The following CSMD1 variants were observed in gnomAD, a reference collection of about 807,000 sequenced individuals.
CSMD1 encodes CUB and Sushi multiple domains 1, also known as CUB and sushi domain-containing protein 1.
A neutral mutation model predicts 417.5 loss-of-function variants in CSMD1; 213 were observed. The observed-to-expected ratio is 0.51, with a 90% CI of 0.46 to 0.57. The LOEUF (loss-of-function observed/expected upper bound fraction) is 0.57. CSMD1 is among the 20% of genes least tolerant of loss of function. The pLI is 0.00. For missense variants in CSMD1, 6,923 were observed against 4,529.7 expected (o/e 1.53, Z -15.17); for synonymous variants, 2,862 against 1,736.8 (o/e 1.65, Z -16.11).
At position 3,781,672 on chromosome 8, in the gene CSMD1, G is replaced by A. The variant is rs112000078; in HGVS notation, c.819-27630C>T. On this transcript the variant is annotated intron_variant, in intron 5 of 69. Transcript: ENST00000635120. ...TGTGATGTGAATGGCAGGTGCCTAG[G>A]TTTCCATCCTGGACTCCAGCCTACG... Among the ~76,000 whole-genome samples, 457 of 152,290 alleles carry A rather than the reference G, an allele frequency of 3.0e-3. 8 individuals carry two copies. Among genetic ancestry groups the A allele is most frequent in the African/African-American group, 0.011 (439 of 41,556 alleles).
chr8:4,056,797 G>A (rs1247553211), intron 3 of CSMD1, among the ~76,000 whole-genome samples: 2 of 150,810 alleles, frequency 1.3e-5, no homozygotes, highest in African/African-American at 2.4e-5. Context: ...TTCGTTTTTT[G>A]TCCTTGTGAT....
At chr8:3,341,193 G>T (rs1465323599) in intron 23 of CSMD1, among the ~76,000 whole-genome samples, 1 of 152,086 alleles carries the variant, frequency 6.6e-6, no homozygotes, top group African/African-American at 2.4e-5. Context: ...TTCTGGGTGA[G>T]GGAGGGTGGA....
chr8:4,915,519 G>A (rs1563754652), intron 1 of CSMD1, among the ~76,000 whole-genome samples: 1 of 152,236 alleles, frequency 6.6e-6, no homozygotes, highest in Admixed American at 6.5e-5. Context: ...ACAAAAAGCA[G>A]GCCTGGCAGG....
At chr8:3,986,708 T>C (rs1454440863) in intron 5 of CSMD1, among the ~76,000 whole-genome samples, 1 of 152,130 alleles carries the variant, frequency 6.6e-6, no homozygotes, top group African/African-American at 2.4e-5. Context: ...CCATGGAAAA[T>C]TTATCATGTT....
At chr8:4,239,949 A>G (rs933494997) in intron 3 of CSMD1, among the ~76,000 whole-genome samples, 6 of 152,194 alleles carry the variant, frequency 3.9e-5, no homozygotes, top group Non-Finnish European at 7.3e-5. Flanking sequence ...AAAATAATGC[A>G]CTTTTAAATC....
At chr8:4,436,235 A>C (rs1798142696) in intron 2 of CSMD1, among the ~76,000 whole-genome samples, 1 of 152,206 alleles carries the variant, frequency 6.6e-6, no homozygotes, top group Non-Finnish European at 1.5e-5. Context: ...TTGTAGGACA[A>C]AATTAGTTCA....
At position 3,430,439 on chromosome 8, in the gene CSMD1, A is replaced by C. The variant is rs776000467; in HGVS notation, c.1562-20834T>G. ...GCTGAACAAATTGTCTGACATATGT[A>C]GTAGGTATTTAATTAATGTTTATCA... On this transcript the variant is annotated intron_variant, in intron 12 of 69. Transcript: ENST00000635120. Among the ~76,000 whole-genome samples the C allele has an allele frequency of 5.3e-5, 8 of 152,266 alleles. No homozygotes were observed. The South Asian group carries it at 1.5e-3, about 28-fold the overall frequency.
At chr8:3,077,180 G>A (rs1019225336) in intron 49 of CSMD1, among the ~76,000 whole-genome samples, 2 of 152,174 alleles carry the variant, frequency 1.3e-5, no homozygotes, top group Non-Finnish European at 2.9e-5. Flanking sequence ...CTGGGAGTCA[G>A]GAATGCATTT....
intron 7 of CSMD1, among the ~76,000 whole-genome samples, chr8:3,630,729 CT>C (rs398095561): frequency 0.039 from 3,360 of 85,158 alleles, 127 homozygotes; most frequent in African/African-American, 0.14. Context: ...ATGGAGTTGC[CT>C]CTCTGAAGCC....
chr8:3,865,352 G>C lies in CSMD1; in HGVS notation c.819-111310C>G, dbSNP rs59447500. Among the ~76,000 whole-genome samples, 133 of 152,262 alleles carry C rather than the reference G, an allele frequency of 8.7e-4. 1 individual carries two copies. Among genetic ancestry groups the C allele is most frequent in the African/African-American group, 3.0e-3 (124 of 41,554 alleles). ...TGTAAACTCTGAAATGCTCTTGCTG[G>C]TATGAAACTGGGTTTGCAACTGAAC... is the stretch of plus-strand genomic sequence containing the variant. On this transcript the variant is annotated intron_variant, in intron 5 of 69. Coordinates refer to ENST00000635120, the MANE Select transcript of CSMD1 (RefSeq NM_033225.6).
intron 26 of CSMD1, among the ~76,000 whole-genome samples, chr8:3,269,248 T>G (rs1801660346): frequency 1.3e-5 from 2 of 152,214 alleles, no homozygotes; most frequent in Admixed American, 1.3e-4. Flanking sequence ...TCTATGATCC[T>G]AAGTGGTCAA....
At chr8:3,978,588 T>C (rs1813619723) in intron 5 of CSMD1, among the ~76,000 whole-genome samples, 1 of 152,078 alleles carries the variant, frequency 6.6e-6, no homozygotes, top group South Asian at 2.1e-4. Flanking sequence ...ATGAATAGAT[T>C]GAGGCATGTT....
At chr8:4,371,354 G>C (rs1013147052) in intron 3 of CSMD1, among the ~76,000 whole-genome samples, 1 of 152,008 alleles carries the variant, frequency 6.6e-6, no homozygotes, top group East Asian at 1.9e-4. Flanking sequence ...TAAATGCAGG[G>C]TTTTGAGAGA....
At chr8:4,193,227 C>G (rs1397917433) in intron 3 of CSMD1, among the ~76,000 whole-genome samples, 5 of 151,246 alleles carry the variant, frequency 3.3e-5, no homozygotes, top group Admixed American at 3.3e-4. Context: ...GTAGCTGCCA[C>G]AAACGTAAAA....
chr8:4,953,947 C>A (rs77698197), intron 1 of CSMD1, among the ~76,000 whole-genome samples: 2 of 151,982 alleles, frequency 1.3e-5, no homozygotes, highest in African/African-American at 4.8e-5. Context: ...CCTGGTGCAC[C>A]TAATGCACAG....
chr8:4,594,195 C>CT (rs771415822), intron 2 of CSMD1, among the ~76,000 whole-genome samples: 11,686 of 92,186 alleles, frequency 0.13, 2,019 homozygotes, highest in African/African-American at 0.37. Flanking sequence ...CTAAAGTGAT[C>CT]TTTTTTTTTT....
intron 1 of CSMD1, among the ~76,000 whole-genome samples, chr8:4,910,397 T>A (rs1421577829): frequency 4.6e-5 from 7 of 152,202 alleles, no homozygotes; most frequent in African/African-American, 1.7e-4. Context: ...TTATAAACAA[T>A]AGAAATTTAT....
chr8:3,432,707 G>A lies in CSMD1; in HGVS notation c.1562-23102C>T, dbSNP rs180841634. On this transcript the variant is annotated intron_variant, in intron 12 of 69. Coordinates refer to ENST00000635120, the MANE Select transcript of CSMD1 (RefSeq NM_033225.6). ...ATTTTTGTATTTTTAGTACAGATGG[G>A]GTTTCACCATGTTGGCCAGGATGGT... Among the ~76,000 whole-genome samples the A allele has an allele frequency of 5.7e-3, 867 of 152,000 alleles. 11 individuals carry two copies. Among genetic ancestry groups the A allele is most frequent in the African/African-American group, 0.019 (793 of 41,446 alleles).
At chr8:3,976,263 C>T (rs1037966473) in intron 5 of CSMD1, among the ~76,000 whole-genome samples, 1 of 151,944 alleles carries the variant, frequency 6.6e-6, no homozygotes, top group Non-Finnish European at 1.5e-5. Context: ...AAAAATGTAA[C>T]TTCTTAATTA....
Sources: allele counts gnomAD v4.1 joint callset (sites outside exome capture counted in the v4.1 genomes callset), GRCh38; gene constraint gnomAD v4.1.1; transcripts MANE v1.5; gene names NCBI Gene and HGNC (gene_info 2026-07-23, HGNC 2026-07-21).